Variants in KAZN observed in about 807,000 individuals in gnomAD.
The protein encoded by KAZN is kazrin.
In KAZN, 40 loss-of-function variants were observed where a neutral mutation model predicts 87.4. That is an observed-to-expected ratio of 0.46 (90% CI 0.36 to 0.60). The LOEUF (loss-of-function observed/expected upper bound fraction) is 0.60, where lower values mean the gene tolerates loss of function less well. Ranked by LOEUF, KAZN falls within the 20% of genes least tolerant of loss-of-function variation. The pLI is 0.00. For synonymous variants in KAZN, 466 were observed against 458.3 expected, an observed-to-expected ratio of 1.02 and a Z score of -0.22; for missense variants, 898 against 1,073.9, an observed-to-expected ratio of 0.84 and a Z score of 2.29.
At chr1:14,723,314 A>G (rs74061322) in intron 1 of KAZN, among the ~76,000 whole-genome samples, 7,768 of 152,042 alleles carry the variant, frequency 0.051, 689 homozygotes, top group African/African-American at 0.18. Flanking sequence ...GCCTAATCTG[A>G]GCCCTACCTT....
chr1:13,908,977 A>G (rs765777814), intron 1 of KAZN, among the ~76,000 whole-genome samples: 3 of 152,246 alleles, frequency 2.0e-5, no homozygotes, highest in Non-Finnish European at 2.9e-5. Context: ...GCAAAGCAGC[A>G]GAGCTCGCAG....
At position 14,362,387 on chromosome 1, in the gene KAZN, A is replaced by G. The variant is rs12565186; in HGVS notation, c.249+181795A>G. Among the ~76,000 whole-genome samples, 961 of 152,348 alleles carry G rather than the reference A, an allele frequency of 6.3e-3. 30 individuals carry two copies. In the East Asian group the frequency reaches 0.1, roughly 16 times the overall value. On this transcript the variant is annotated intron_variant, in intron 2 of 16. Transcript: ENST00000636203. ...GTGGCAACTTGCTTTTTCAAAGCCA[A>G]TAAGAGAGAGACTCTTAGCCTGACA...
At chr1:14,001,082 G>T (rs550987981) in intron 1 of KAZN, among the ~76,000 whole-genome samples, 7 of 152,020 alleles carry the variant, frequency 4.6e-5, no homozygotes, top group Admixed American at 1.3e-4. Context: ...ACGCCCGGCC[G>T]ACATGATTTT....
rs575028992 is a variant in KAZN, at chr1:14,765,516, T to C, written c.226+166293T>C. On this transcript the variant is annotated intron_variant, in intron 1 of 14. Coordinates refer to ENST00000376030, the MANE Select transcript of KAZN (RefSeq NM_201628.3). ...ATTGAATTGTGTTAGTGTGGACCAT[T>C]TGAGAAGCAGCTAAGGTGGAATTTG... Among the ~76,000 whole-genome samples the C allele has an allele frequency of 4.6e-5, 7 of 152,258 alleles. No homozygotes were observed. In the South Asian group the frequency reaches 1.5e-3, roughly 32 times the overall value.
intron 2 of KAZN, among the ~76,000 whole-genome samples, chr1:15,022,758 C>G (rs1670811991): frequency 1.3e-5 from 2 of 152,204 alleles, no homozygotes; most frequent in African/African-American, 4.8e-5. Context: ...GGTCAGTCAC[C>G]CCCTCTAGGT....
In KAZN at chr1:14,335,758, C is replaced by CAG. The variant is rs558013162; in HGVS notation, c.249+155167_249+155168insGA. Among the ~76,000 whole-genome samples the CAG allele has an allele frequency of 7.2e-3, 1,096 of 151,522 alleles. 13 individuals are homozygous for CAG. The highest frequency in any genetic ancestry group is 0.026 in the African/African-American group (1,048 of 41,066). On this transcript the variant is annotated intron_variant, in intron 2 of 16. Transcript: ENST00000636203. Reference sequence around the variant, plus strand: ...GCGTGCATGTGCGCGCACACACACACACAGAGAGAGAGAGAGAGAGAGAGG... The same window carrying CAG: ...GCGTGCATGTGCGCGCACACACACACAGACAGAGAGAGAGAGAGAGAGAGAGG...
intron 2 of KAZN, among the ~76,000 whole-genome samples, chr1:14,501,096 T>A (rs1571804841): frequency 1.1e-5 from 1 of 92,818 alleles, no homozygotes. Flanking sequence ...AATAAATAAA[T>A]AAATAAATAA....
At chr1:14,759,579 C>T (rs1200702358) in intron 1 of KAZN, among the ~76,000 whole-genome samples, 3 of 152,162 alleles carry the variant, frequency 2.0e-5, no homozygotes, top group Non-Finnish European at 4.4e-5. Context: ...AAAAGACAGT[C>T]TGCAAGAGAG....
rs1289312965 is a variant in KAZN, at chr1:14,522,572, C to G, written c.250-76411C>G. Among the ~76,000 whole-genome samples, 6 of 152,280 alleles carry G rather than the reference C, an allele frequency of 3.9e-5. No individual in the cohort carries two copies. The East Asian group carries it at 1.2e-3, about 29-fold the overall frequency. ...AATGATTCTGGGTGTTGTTTTAAAG[C>G]CTGACTTTAATAAAAAGCCCGAGAA... On this transcript the variant is annotated intron_variant, in intron 2 of 16. Coordinates refer to the KAZN transcript ENST00000636203.
At position 14,993,661 on chromosome 1, in the gene KAZN, T is replaced by C. The variant is rs75078054; in HGVS notation, c.418+32786T>C. Among the ~76,000 whole-genome samples, 696 of 152,256 alleles carry C rather than the reference T, an allele frequency of 4.6e-3. 30 individuals are homozygous for C. In the East Asian group the frequency reaches 0.093, roughly 20 times the overall value. On this transcript the variant is annotated intron_variant, in intron 2 of 14. Coordinates refer to ENST00000376030, the MANE Select transcript of KAZN (RefSeq NM_201628.3). ...TCGTCTGGGAGGGGGGTGATCGCGC[T>C]GACCCTGGAGGCTTCACCCTGAGAG...
chr1:14,915,355 T>C (rs558490038), intron 1 of KAZN, among the ~76,000 whole-genome samples: 2 of 152,304 alleles, frequency 1.3e-5, no homozygotes, highest in African/African-American at 4.8e-5. Context: ...GTGGCAGTGC[T>C]CAGTAAACAG....
At chr1:14,515,237 G>A (rs1236703401) in intron 2 of KAZN, among the ~76,000 whole-genome samples, 3 of 152,040 alleles carry the variant, frequency 2.0e-5, no homozygotes, top group East Asian at 1.9e-4. Flanking sequence ...TAAAGCCCCC[G>A]ACACACCCAG....
At chr1:14,801,962 G>C (rs940454281) in intron 1 of KAZN, among the ~76,000 whole-genome samples, 6 of 151,978 alleles carry the variant, frequency 3.9e-5, no homozygotes, top group African/African-American at 1.4e-4. Context: ...GGGATTACAC[G>C]CGTCGGCCAC....
At chr1:14,568,452 A>C (rs1363858393) in intron 2 of KAZN, among the ~76,000 whole-genome samples, 1 of 152,214 alleles carries the variant, frequency 6.6e-6, no homozygotes, top group Non-Finnish European at 1.5e-5. Context: ...GAGAGGCTTC[A>C]CAATCATGGT....
intron 2 of KAZN, among the ~76,000 whole-genome samples, chr1:14,339,003 C>T (rs560860206): frequency 1.3e-5 from 2 of 148,456 alleles, no homozygotes; most frequent in South Asian, 2.2e-4. Flanking sequence ...TGTCACAGTT[C>T]GATTGCCCAG....
At chr1:14,238,924 G>A (rs924891651) in intron 2 of KAZN, among the ~76,000 whole-genome samples, 5 of 152,212 alleles carry the variant, frequency 3.3e-5, no homozygotes, top group African/African-American at 7.2e-5. Flanking sequence ...CGTTCTTGAA[G>A]CTGTCACTTC....
At chr1:14,026,245 C>T (rs1034909574) in intron 1 of KAZN, among the ~76,000 whole-genome samples, 1 of 152,106 alleles carries the variant, frequency 6.6e-6, no homozygotes, top group Non-Finnish European at 1.5e-5. Flanking sequence ...TTTTGTTTCA[C>T]TGATAACTCC....
At chr1:14,550,114 C>A (rs920174201) in intron 2 of KAZN, among the ~76,000 whole-genome samples, 2 of 152,216 alleles carry the variant, frequency 1.3e-5, no homozygotes, top group Non-Finnish European at 2.9e-5. Flanking sequence ...CTAGAGGGAG[C>A]CACTCTCATT....
chr1:15,052,340 G>A lies in KAZN; in HGVS notation c.727-3751G>A, dbSNP rs1263838641. Among the ~76,000 whole-genome samples the A allele has an allele frequency of 1.3e-5, 2 of 152,192 alleles. 1 individual carries two copies. Among genetic ancestry groups the A allele is most frequent in the Admixed American group, 1.3e-4 (2 of 15,276 alleles). On this transcript the variant is annotated intron_variant, in intron 4 of 14. Transcript: ENST00000376030. ...TACATGGTGGCAGGCGAGAGAGCAT[G>A]TGCAGGGGAACTGCCTTTTATAAAA...
Sources: gnomAD v4.1 joint callset for allele counts (sites outside exome capture counted in the v4.1 genomes callset) on GRCh38, gnomAD v4.1.1 for gene constraint, MANE v1.5 for transcripts, NCBI Gene and HGNC (gene_info 2026-07-23, HGNC 2026-07-21) for gene names.